Variants in PLAUR observed in about 807,000 individuals in gnomAD.
The protein encoded by PLAUR is plasminogen activator, urokinase receptor.
A neutral mutation model predicts 33.4 loss-of-function variants in PLAUR; 22 were observed. The observed-to-expected ratio is 0.66, with a 90% CI of 0.47 to 0.94. The LOEUF is 0.94. PLAUR is among the 40% of genes least tolerant of loss of function. PLAUR has a pLI of 0.00. For synonymous variants in PLAUR, 148 were observed against 167.3 expected, an observed-to-expected ratio of 0.88 and a Z score of 0.89; for missense variants, 408 against 434.7, an observed-to-expected ratio of 0.94 and a Z score of 0.55.
chr19:43,649,164 G>A (rs1973888808), intron 6 of PLAUR, 21 bp from the exon 7 acceptor site: 2 of 1,597,726 alleles, frequency 1.3e-6, no homozygotes, highest in Non-Finnish European at 1.7e-6. Context: ...AGAAGACGGA[G>A]TGAGACTTCC....
At chr19:43,669,556 A>C (rs2146301495) in intron 1 of PLAUR, among the ~76,000 whole-genome samples, 1 of 152,128 alleles carries the variant, frequency 6.6e-6, no homozygotes, top group South Asian at 2.1e-4. Flanking sequence ...TCACGCCTGT[A>C]ATCCCAGCAG....
chr19:43,656,681 C>CA, intron 3 of PLAUR, 41 bp from the exon 4 acceptor site: 1 of 1,522,750 alleles, frequency 6.6e-7, no homozygotes. Context: ...TCCATGGGGA[C>CA]AGTCCTGGAG....
At chr19:43,654,743 C>T (rs907141217) in intron 5 of PLAUR, among the ~76,000 whole-genome samples, 3 of 151,864 alleles carry the variant, frequency 2.0e-5, no homozygotes, top group Admixed American at 6.6e-5. Context: ...CCCCCATACC[C>T]CCCAAAAAAT....
chr19:43,649,231 G>A, intron 6 of PLAUR, 88 bp from the exon 7 acceptor site: 1 of 1,445,138 alleles, frequency 6.9e-7, no homozygotes, highest in Non-Finnish European at 9.5e-7. Flanking sequence ...CTTGCAGTGG[G>A]TGCCACCTTC....
Position 43,668,265 on chromosome 19 carries a change from ATTG to A in PLAUR, c.56-577_56-575del, listed in dbSNP as rs1276240856. ...GCCCCATCAGCCCTCCGGAGTTTCTATTGTTAGATACTCTAGTTTCCCGCGAAG... is the reference window on the plus strand; with the variant it reads ...GCCCCATCAGCCCTCCGGAGTTTCTATTAGATACTCTAGTTTCCCGCGAAG... On this transcript the variant is annotated intron_variant, in intron 1 of 6. Transcript: ENST00000340093. 3.0e-6 allele frequency: 3 copies of A among 986,522 alleles called. No homozygotes were observed. The African/African-American group carries it at 5.3e-5, about 17-fold the overall frequency. The allele number at this position is 986,522 out of a possible 1,614,324, so 61.1% of individuals were successfully genotyped here. A position where few individuals can be genotyped will look rare whatever the true frequency, so the allele number is the denominator to read the frequency against.
At chr19:43,652,798 G>A (rs1018895731) in intron 5 of PLAUR, among the ~76,000 whole-genome samples, 2 of 152,092 alleles carry the variant, frequency 1.3e-5, no homozygotes, top group Admixed American at 6.6e-5. Flanking sequence ...CTACAGGCGT[G>A]CACCACCATG....
downstream of PLAUR, among the ~76,000 whole-genome samples, chr19:43,647,606 A>G (rs1973844737): frequency 6.6e-6 from 1 of 152,140 alleles, no homozygotes; most frequent in Non-Finnish European, 1.5e-5. Flanking sequence ...TGGGAGTTTG[A>G]GACCAGCCTG....
At chr19:43,665,031 T>C in intron 3 of PLAUR, 1 of 436,076 alleles carries the variant, frequency 2.3e-6, no homozygotes, top group Non-Finnish European at 4.2e-6. Flanking sequence ...GGGGATGGGG[T>C]TGGAACTGTG....
chr19:43,663,764 A>C (rs981407735), intron 3 of PLAUR, among the ~76,000 whole-genome samples: 62 of 151,640 alleles, frequency 4.1e-4, no homozygotes, highest in African/African-American at 1.2e-3. Context: ...CTGGGCAAGA[A>C]GAGTGAAACT....
intron 1 of PLAUR, among the ~76,000 whole-genome samples, chr19:43,669,279 G>A (rs1967415308): frequency 6.6e-6 from 1 of 152,162 alleles, no homozygotes; most frequent in Non-Finnish European, 1.5e-5. Flanking sequence ...CCTCCCTTTG[G>A]GCCTTTTGTA....
In PLAUR at chr19:43,667,648, A is replaced by G. The variant is rs1967314713; in HGVS notation, c.99T>C (p.Asp33=). The G allele has an allele frequency of 6.2e-7, 1 of 1,614,010 alleles. No individual in the cohort carries two copies. Among genetic ancestry groups the G allele is most frequent in the African/African-American group, 1.3e-5 (1 of 75,000 alleles). ...LRCMQCKTNG[D]CRVEECALGQ... is the part of the protein sequence containing the mutation. ...CCAGGGCGCACTCTTCCACACGGCA[A>G]TCCCCGTTGGTCTTACACTGCATGC... is the stretch of plus-strand genomic sequence containing the variant. The change falls in exon 2 of 7, where the codon GAT becomes GAC. Residue 33 remains aspartate (D), a synonymous_variant. Coordinates refer to ENST00000340093, the MANE Select transcript of PLAUR (RefSeq NM_002659.4).
chr19:43,651,993 C>CA, intron 6 of PLAUR: 1 of 1,283,926 alleles, frequency 7.8e-7, no homozygotes, highest in Non-Finnish European at 1.0e-6. Context: ...GCTGAGAGTA[C>CA]AAGCTTCAGC....
At chr19:43,658,335 C>G (rs1026141976) in intron 3 of PLAUR, among the ~76,000 whole-genome samples, 11 of 151,966 alleles carry the variant, frequency 7.2e-5, no homozygotes, top group South Asian at 2.1e-4. Context: ...CAGCTGACAT[C>G]TCGACTGCAG....
At position 43,668,329 on chromosome 19, in the gene PLAUR, TG is replaced by T. The variant is rs1967354961; in HGVS notation, c.56-639del. ...GCCCTCCAGCTCTCCAACTAGGTTT[TG>T]GCCCCGCTCCAGACTCATCGTCGAG... On this transcript the variant is annotated intron_variant, in intron 1 of 6. Transcript: ENST00000340093. 4.1e-6 allele frequency: 4 copies of T among 986,356 alleles called. No homozygotes were observed. In the East Asian group the frequency reaches 3.4e-4, roughly 84 times the overall value. 61.1% of individuals were successfully genotyped at this position (986,356 alleles called of 1,614,324 possible).
chr19:43,667,508 G>T (rs1189567553), intron 2 of PLAUR, 73 bp downstream of exon 2: 1 of 1,010,296 alleles, frequency 9.9e-7, no homozygotes, highest in Non-Finnish European at 1.6e-6. Flanking sequence ...CCCAGTTACT[G>T]GTGAGGAAGG....
intron 5 of PLAUR, among the ~76,000 whole-genome samples, chr19:43,653,194 T>A (rs969465700): frequency 2.0e-5 from 3 of 152,186 alleles, no homozygotes; most frequent in Non-Finnish European, 4.4e-5. Context: ...TAAATTAATA[T>A]TAAATCGAAT....
chr19:43,646,513 T>C, downstream of PLAUR: 1 of 717,950 alleles, frequency 1.4e-6, no homozygotes, highest in East Asian at 2.7e-5. Context: ...GCAGTAGTAC[T>C]TTTACATGGC....
chr19:43,649,817 AG>A (rs1973920312), intron 6 of PLAUR, among the ~76,000 whole-genome samples: 1 of 152,124 alleles, frequency 6.6e-6, no homozygotes, highest in Non-Finnish European at 1.5e-5. Flanking sequence ...AGACCCTTTC[AG>A]GAGATCTGTG....
chr19:43,652,482 A>G (rs1000480779), intron 5 of PLAUR, 111 bp from the exon 6 acceptor site: 1 of 1,067,404 alleles, frequency 9.4e-7, no homozygotes, highest in Admixed American at 2.1e-5. Context: ...TCATGGAGCC[A>G]CCTTGTGGTC....
Sources: gnomAD v4.1 joint callset for allele counts (sites outside exome capture counted in the v4.1 genomes callset) on GRCh38, gnomAD v4.1.1 for gene constraint, MANE v1.5 for transcripts, NCBI Gene and HGNC (gene_info 2026-07-23, HGNC 2026-07-21) for gene names.